Variants in AHRR observed in about 807,000 individuals in gnomAD.
AHRR encodes aryl hydrocarbon receptor repressor.
In AHRR, 28 loss-of-function variants were observed where a neutral mutation model predicts 44.0. The ratio of observed to expected loss-of-function variants is 0.64; its 90% confidence interval spans 0.47 to 0.87. AHRR has a LOEUF of 0.87. Among genes scored for constraint, AHRR ranks in the 40% least tolerant of loss-of-function variants. The pLI is 0.00. For synonymous variants in AHRR, 434 were observed against 407.0 expected, an observed-to-expected ratio of 1.07 and a Z score of -0.80; for missense variants, 990 against 953.9, an observed-to-expected ratio of 1.04 and a Z score of -0.50.
intron 3 of AHRR, among the ~76,000 whole-genome samples, chr5:373,032 C>T (rs899919493): frequency 3.9e-5 from 6 of 152,216 alleles, no homozygotes; most frequent in Admixed American, 6.5e-5. Flanking sequence ...TTCACATTCT[C>T]GCTGTTCCAA....
chr5:344,998 T>G (rs1306832241), intron 2 of AHRR, among the ~76,000 whole-genome samples: 2 of 88,906 alleles, frequency 2.2e-5, no homozygotes, highest in Non-Finnish European at 4.5e-5. Context: ...AGGCTGTGTG[T>G]GGGGAGTGTG....
intron 3 of AHRR, among the ~76,000 whole-genome samples, chr5:359,928 A>G (rs566732773): frequency 9.8e-5 from 15 of 152,340 alleles, no homozygotes; most frequent in Middle Eastern, 3.4e-3. Flanking sequence ...CCAGGCCTGA[A>G]GTTATACTTT....
chr5:408,697 T>C (rs1226784215), intron 4 of AHRR, among the ~76,000 whole-genome samples: 1 of 152,236 alleles, frequency 6.6e-6, no homozygotes, highest in Non-Finnish European at 1.5e-5. Flanking sequence ...TTATACTTCT[T>C]AAAAAGGACT....
In AHRR at chr5:432,444, T is replaced by C; in HGVS notation, c.909-19T>C. ...TGTTCATCCGTCACATGTCACATGT[T>C]CATCTGTGTTCTTCACAGAGTAAAA... is the stretch of plus-strand genomic sequence containing the variant. On this transcript the variant is annotated intron_variant, in intron 8 of 10. Transcript: ENST00000684583. 2 of 1,613,140 alleles carry C rather than the reference T, an allele frequency of 1.2e-6. No individual in the cohort carries two copies. The highest frequency in any genetic ancestry group is 1.7e-6 in the Non-Finnish European group (2 of 1,179,144).
Position 411,916 on chromosome 5 carries a change from C to G in AHRR, c.352-1428C>G, listed in dbSNP as rs777198035. Among the ~76,000 whole-genome samples the G allele has an allele frequency of 6.6e-6, 1 of 152,220 alleles. No individual in the cohort carries two copies. Among genetic ancestry groups the G allele is most frequent in the East Asian group, 1.9e-4 (1 of 5,196 alleles). On this transcript the variant is annotated intron_variant, in intron 4 of 10. Transcript: ENST00000684583. This position sits in a 1 kb window ranked among gnomAD's most constrained non-coding sequence, Gnocchi z 4.2. ...ATGTGAGACTGGGCGAGATATTCCA[C>G]CTGGTAGCCTGTGCTTGCTCAGCGT... is the stretch of plus-strand genomic sequence containing the variant.
intron 1 of AHRR, among the ~76,000 whole-genome samples, chr5:323,523 T>A (rs1048589224): frequency 3.9e-5 from 6 of 152,202 alleles, no homozygotes; most frequent in African/African-American, 7.2e-5. Flanking sequence ...AACTACTTTA[T>A]CTTGATCCTT....
At chr5:415,361 G>GGTCGGGCGGGAGGCCTAGGGGCCGAA (rs1560915742) in intron 5 of AHRR, among the ~76,000 whole-genome samples, 1 of 67,764 alleles carries the variant, frequency 1.5e-5, no homozygotes, top group Non-Finnish European at 4.0e-5. Context: ...TAGGGGCCGA[G>GGTCGGGCGGGAGGCCTAGGGGCCGAA]TCTCCCTGGT....
intron 3 of AHRR, among the ~76,000 whole-genome samples, chr5:356,055 G>T (rs11956085): frequency 6.6e-6 from 1 of 152,320 alleles, no homozygotes; most frequent in African/African-American, 2.4e-5. Context: ...GCCATAAAAA[G>T]TTGCCTTTGG....
In AHRR at chr5:415,511, G is replaced by C. The variant is rs4957036; in HGVS notation, c.441+2078G>C. Among the ~76,000 whole-genome samples the C allele has an allele frequency of 2.1e-3, 94 of 45,264 alleles. 3 individuals are homozygous for C. The highest frequency in any genetic ancestry group is 3.5e-3 in the Non-Finnish European group (55 of 15,534). The allele number at this position is 45,264 out of a possible 152,430, so 29.7% of individuals were successfully genotyped here. A position where few individuals can be genotyped will look rare whatever the true frequency, so the allele number is the denominator to read the frequency against. ...CTAGGGGCCGAGTCTCCCTGGTCGG[G>C]TGGGAGGCCTAGGGGCCGAGTCTGC... On this transcript the variant is annotated intron_variant, in intron 5 of 10. Transcript: ENST00000684583.
intron 5 of AHRR, among the ~76,000 whole-genome samples, chr5:417,388 A>G (rs528218482): frequency 6.9e-6 from 1 of 145,544 alleles, no homozygotes; most frequent in Admixed American, 6.9e-5. Context: ...GCAGGGCCCG[A>G]GTTTAGAGAA....
At position 435,144 on chromosome 5, in the gene AHRR, C is replaced by A. The variant is rs72717423; in HGVS notation, c.*310C>A. 1 of 329,538 alleles carries A rather than the reference C, an allele frequency of 3.0e-6. No homozygotes were observed. Among genetic ancestry groups the A allele is most frequent in the African/African-American group, 2.1e-5 (1 of 47,414 alleles). The allele number at this position is 329,538 out of a possible 1,614,324, so 20.4% of individuals were successfully genotyped here. On this transcript the variant is annotated 3_prime_UTR_variant, in exon 11 of 11. Transcript: ENST00000684583. The stretch of plus-strand genomic sequence containing the variant: ...GGACAGCTTCATGCCCCAGAGGCAG[C>A]GAGCACCCGTCCCATGGCTGCCAAG...
chr5:420,936 C>T (rs942164684), intron 5 of AHRR: 2 of 164,776 alleles, frequency 1.2e-5, no homozygotes, highest in Non-Finnish European at 1.1e-5. Flanking sequence ...ACGCAGCCAC[C>T]CACCCACACA....
chr5:371,729 A>T (rs945173695), intron 3 of AHRR, among the ~76,000 whole-genome samples: 3 of 152,210 alleles, frequency 2.0e-5, no homozygotes, highest in Middle Eastern at 6.8e-3. Context: ...GAAGCCCTCT[A>T]TGGTGAAATG....
Position 376,615 on chromosome 5 carries a change from C to T in AHRR, c.250C>T (p.Gln84Ter), listed in dbSNP as rs1444765782. ...LRVKSFFQVV[Q>*]EQSSRQPAAG... ...TGTCTTTTCTTCTCTGACAGTCGTG[C>T]AGGAGCAGAGCTCACGGCAGCCTGC... The change falls in exon 4 of 11, where the codon CAG becomes TAG. Residue 84 changes from glutamine (Q) to a stop codon, truncating the protein, a stop_gained. Coordinates refer to ENST00000684583, the MANE Select transcript of AHRR (RefSeq NM_001377236.1). LOFTEE classifies it high-confidence loss of function. The T allele has an allele frequency of 9.9e-7, 1 of 1,010,092 alleles. No individual in the cohort carries two copies. The highest frequency in any genetic ancestry group is 1.2e-6 in the Non-Finnish European group (1 of 838,622). The allele number at this position is 1,010,092 out of a possible 1,614,324, so 62.6% of individuals were successfully genotyped here.
chr5:327,607 C>T (rs1303144718), intron 1 of AHRR, among the ~76,000 whole-genome samples: 2 of 152,064 alleles, frequency 1.3e-5, no homozygotes, highest in Non-Finnish European at 2.9e-5. Context: ...ACCACATTTT[C>T]TTTTGATTAA....
At chr5:427,540 G>A (rs920958691) in intron 7 of AHRR, 19 of 1,442,710 alleles carry the variant, frequency 1.3e-5, no homozygotes, top group East Asian at 9.2e-5. Flanking sequence ...GCACACACGC[G>A]GGAATGAACC....
In AHRR at chr5:411,395, G is replaced by A. The variant is rs1735462274; in HGVS notation, c.352-1949G>A. Among the ~76,000 whole-genome samples the A allele has an allele frequency of 1.3e-5, 2 of 152,032 alleles. No homozygotes were observed. Among genetic ancestry groups the A allele is most frequent in the South Asian group, 4.2e-4 (2 of 4,816 alleles). Reference sequence around the variant, plus strand: ...TTCTTACCATTCTCCGTCATTTTGTGGAATGTTGTGGGGGATTTGGATTTA... The same window carrying A: ...TTCTTACCATTCTCCGTCATTTTGTAGAATGTTGTGGGGGATTTGGATTTA... On this transcript the variant is annotated intron_variant, in intron 4 of 10. Transcript: ENST00000684583. This position sits in a 1 kb window ranked among gnomAD's most constrained non-coding sequence, Gnocchi z 4.2.
chr5:377,601 G>A lies in AHRR; in HGVS notation c.351+885G>A, dbSNP rs544055843. ...CAGCCAGCAGCCACTAGTCTCCCAT[G>A]GAGCTGTGCACCCCCAGTGCCTGGG... On this transcript the variant is annotated intron_variant, in intron 4 of 10. Transcript: ENST00000684583. 2.5e-3 allele frequency among the ~76,000 whole-genome samples: 378 copies of A among 152,334 alleles called. 4 individuals are homozygous for A. In the Middle Eastern group the frequency reaches 0.044, roughly 18 times the overall value.
Position 332,929 on chromosome 5 carries a change from C to CTTTTTTTT in AHRR, c.-10-10952_-10-10945dup, listed in dbSNP as rs57937804. Among the ~76,000 whole-genome samples the CTTTTTTTT allele has an allele frequency of 2.2e-3, 297 of 132,002 alleles. 3 individuals are homozygous for CTTTTTTTT. The highest frequency in any genetic ancestry group is 8.2e-3 in the African/African-American group (271 of 33,032). 86.6% of individuals were successfully genotyped at this position (132,002 alleles called of 152,430 possible). A position where few individuals can be genotyped will look rare whatever the true frequency, so the allele number is the denominator to read the frequency against. On this transcript the variant is annotated intron_variant, in intron 1 of 10. Transcript: ENST00000684583. ...TCATTATATAATAAATGACCTTTGT[C>CTTTTTTTT]TTTTTTTTTTTTTTTTTTTACTGTT... is the stretch of plus-strand genomic sequence containing the variant.
Sources: gnomAD v4.1 joint callset for allele counts (sites outside exome capture counted in the v4.1 genomes callset) on GRCh38, gnomAD v4.1.1 for gene constraint, Gnocchi (gnomAD v3.1) non-coding constraint, MANE v1.5 for transcripts, NCBI Gene and HGNC (gene_info 2026-07-23, HGNC 2026-07-21) for gene names.